The following CLIC5 variants were observed in gnomAD, a reference collection of about 807,000 sequenced individuals.
CLIC5 encodes CLIC family member 5.
In CLIC5, 20 loss-of-function variants were observed where a neutral mutation model predicts 24.7. That is an observed-to-expected ratio of 0.81 (90% confidence interval 0.57 to 1.18). The LOEUF (loss-of-function observed/expected upper bound fraction) is 1.18, where lower values mean the gene tolerates loss of function less well. Ranked by LOEUF, CLIC5 falls within the 50% of genes most tolerant of loss-of-function variation. CLIC5 has a pLI of 0.00. For synonymous variants in CLIC5, 159 were observed against 135.6 expected, an observed-to-expected ratio of 1.17 and a Z score of -1.20; for missense variants, 341 against 326.1, an observed-to-expected ratio of 1.05 and a Z score of -0.35.
At chr6:46,007,384 A>C (rs922137510) in intron 1 of CLIC5, among the ~76,000 whole-genome samples, 1 of 152,244 alleles carries the variant, frequency 6.6e-6, no homozygotes, top group Non-Finnish European at 1.5e-5. Context: ...TGAATGTACC[A>C]GGAAACTGCT....
chr6:46,037,623 G>A (rs1373698281), intron 1 of CLIC5, among the ~76,000 whole-genome samples: 1 of 152,170 alleles, frequency 6.6e-6, no homozygotes, highest in Non-Finnish European at 1.5e-5. Flanking sequence ...AAATTTTTAT[G>A]TGTTGGGCAC....
At chr6:45,894,946 A>G (rs1762381120), downstream of CLIC5, among the ~76,000 whole-genome samples, 2 of 152,162 alleles carry the variant, frequency 1.3e-5, no homozygotes, top group Admixed American at 1.3e-4. Context: ...TAGAAACAGA[A>G]AAATATATTT....
the CLIC5 span, among the ~76,000 whole-genome samples, chr6:46,108,032 CAA>C: frequency 1.6e-3 from 52 of 33,300 alleles, no homozygotes; most frequent in African/African-American, 5.3e-3. Context: ...AAAACTCCAT[CAA>C]AAAAAAAAAA....
At chr6:46,014,423 C>T (rs957447539) in intron 1 of CLIC5, 1 of 152,124 alleles carries the variant, frequency 6.6e-6, no homozygotes, top group African/African-American at 2.4e-5. Context: ...GCCAGGAGGC[C>T]CCTGACAGGC....
intron 4 of CLIC5, among the ~76,000 whole-genome samples, chr6:45,925,921 C>T (rs1763465376): frequency 6.6e-6 from 1 of 152,174 alleles, no homozygotes; most frequent in Admixed American, 6.5e-5. Context: ...CATAGGTTAG[C>T]ATCAACCTCT....
chr6:45,982,062 T>A (rs1436375732), intron 1 of CLIC5, among the ~76,000 whole-genome samples: 1 of 151,442 alleles, frequency 6.6e-6, no homozygotes, highest in Non-Finnish European at 1.5e-5. Flanking sequence ...GAGGTTTTGA[T>A]CTTGGAATGT....
chr6:46,074,974 A>G (rs189264337), intron 1 of CLIC5, among the ~76,000 whole-genome samples: 295 of 152,328 alleles, frequency 1.9e-3, no homozygotes, highest in African/African-American at 6.9e-3. Context: ...CCAGTAGGAT[A>G]TTTACTGAAT....
intron 1 of CLIC5, among the ~76,000 whole-genome samples, chr6:46,051,987 C>T (rs1394010018): frequency 2.0e-5 from 3 of 152,136 alleles, no homozygotes; most frequent in Non-Finnish European, 2.9e-5. Context: ...ATTGACTCAG[C>T]CTCCTTTTGC....
intron 4 of CLIC5, among the ~76,000 whole-genome samples, chr6:45,933,663 A>G (rs1763828485): frequency 6.6e-6 from 1 of 152,228 alleles, no homozygotes; most frequent in Admixed American, 6.5e-5. Context: ...TGAAAGGGGT[A>G]CATCTTTGCA....
At chr6:45,946,658 G>A (rs777475088) in intron 3 of CLIC5, among the ~76,000 whole-genome samples, 9 of 152,166 alleles carry the variant, frequency 5.9e-5, no homozygotes, top group Non-Finnish European at 1.0e-4. Context: ...AGCCTGAGTC[G>A]CTGGGGAAGC....
At chr6:45,886,344 G>C (rs9472601) in intron 6 of CLIC5, among the ~76,000 whole-genome samples, 27,016 of 152,178 alleles carry the variant, frequency 0.18, 2,456 homozygotes, top group Middle Eastern at 0.25. Context: ...CTCCACCGTC[G>C]GGTGTGCTCA....
At chr6:46,062,526 G>T (rs758510206) in intron 1 of CLIC5, among the ~76,000 whole-genome samples, 1 of 152,326 alleles carries the variant, frequency 6.6e-6, no homozygotes. Context: ...CCCCAGGCTC[G>T]TGAAGGGAGG....
At chr6:45,979,932 G>GC (rs1765511874) in intron 1 of CLIC5, among the ~76,000 whole-genome samples, 1 of 130,756 alleles carries the variant, frequency 7.6e-6, no homozygotes, top group East Asian at 2.3e-4. Flanking sequence ...TGTTGCAATT[G>GC]CTTTTGGAGA....
intron 4 of CLIC5, among the ~76,000 whole-genome samples, chr6:45,924,443 G>A (rs148832350): frequency 1.6e-3 from 238 of 152,244 alleles, no homozygotes; most frequent in African/African-American, 5.3e-3. Flanking sequence ...TACAGTTTGT[G>A]GGGAGAAGCT....
chr6:46,069,389 C>T (rs540033819), intron 1 of CLIC5, among the ~76,000 whole-genome samples: 25 of 152,114 alleles, frequency 1.6e-4, no homozygotes, highest in African/African-American at 6.0e-4. Flanking sequence ...TTATCACTGA[C>T]TCCACAGGAA....
At chr6:46,025,831 C>G (rs1372481564) in intron 1 of CLIC5, among the ~76,000 whole-genome samples, 1 of 152,092 alleles carries the variant, frequency 6.6e-6, no homozygotes, top group African/African-American at 2.4e-5. Flanking sequence ...ATAGTGAGTT[C>G]CCATGAGATC....
At chr6:46,063,192 G>A (rs1028650384) in intron 1 of CLIC5, among the ~76,000 whole-genome samples, 7 of 152,126 alleles carry the variant, frequency 4.6e-5, no homozygotes, top group African/African-American at 1.7e-4. Flanking sequence ...TAGTCCAGTT[G>A]AACTTTATGA....
the CLIC5 span, among the ~76,000 whole-genome samples, chr6:46,091,856 T>C: frequency 6.6e-6 from 1 of 152,108 alleles, no homozygotes; most frequent in East Asian, 1.9e-4. Context: ...TGATTTTATA[T>C]CCTTTAGATA....
At chr6:45,969,100 G>C (rs898125872) in intron 1 of CLIC5, among the ~76,000 whole-genome samples, 1 of 152,166 alleles carries the variant, frequency 6.6e-6, no homozygotes, top group African/African-American at 2.4e-5. Flanking sequence ...TCCAATGGCT[G>C]AGTAGAGACT....
Sources: allele counts gnomAD v4.1 joint callset (sites outside exome capture counted in the v4.1 genomes callset), GRCh38; gene constraint gnomAD v4.1.1; transcripts MANE v1.5; gene names NCBI Gene and HGNC (gene_info 2026-07-23, HGNC 2026-07-21).